MACROD2: variants seen among roughly 807,000 people sequenced by gnomAD.
MACROD2 encodes the protein mono-ADP ribosylhydrolase 2.
A neutral mutation model predicts 70.4 loss-of-function variants in MACROD2; 36 were observed. The observed-to-expected ratio is 0.51, with a 90% CI of 0.39 to 0.68. MACROD2 has a LOEUF of 0.68. Among genes scored for constraint, MACROD2 ranks in the 30% least tolerant of loss-of-function variants. MACROD2 has a pLI of 0.00. For missense variants in MACROD2, 496 were observed against 538.4 expected (o/e 0.92, Z 0.78); for synonymous variants, 172 against 178.8 (o/e 0.96, Z 0.30).
At chr20:15,954,424 T>C (rs1172940125) in intron 12 of MACROD2, among the ~76,000 whole-genome samples, 1 of 152,162 alleles carries the variant, frequency 6.6e-6, no homozygotes, top group Non-Finnish European at 1.5e-5. Flanking sequence ...GCCTCCTATG[T>C]GTTGCTTTAT....
intron 5 of MACROD2, among the ~76,000 whole-genome samples, chr20:15,129,161 T>G (rs1354561329): frequency 6.6e-6 from 1 of 152,030 alleles, no homozygotes; most frequent in Non-Finnish European, 1.5e-5. Flanking sequence ...TAATGTAACA[T>G]AATTTATTTT....
intron 4 of MACROD2, among the ~76,000 whole-genome samples, chr20:14,674,288 C>T (rs2070832066): frequency 6.6e-6 from 1 of 152,120 alleles, no homozygotes; most frequent in Admixed American, 6.5e-5. Context: ...GCTCTGACCC[C>T]AGCTTCTACA....
intron 8 of MACROD2, among the ~76,000 whole-genome samples, chr20:15,793,213 T>C (rs2063641796): frequency 6.6e-6 from 1 of 152,154 alleles, no homozygotes; most frequent in African/African-American, 2.4e-5. Context: ...GTAGAATACT[T>C]GTTCTCAGAT....
chr20:15,141,290 A>C (rs528044189), intron 5 of MACROD2, among the ~76,000 whole-genome samples: 3 of 152,098 alleles, frequency 2.0e-5, no homozygotes, highest in African/African-American at 4.8e-5. Context: ...TAGCATACAT[A>C]CATATAGATA....
chr20:14,765,663 T>C (rs1330739692), intron 5 of MACROD2, among the ~76,000 whole-genome samples: 1 of 152,062 alleles, frequency 6.6e-6, no homozygotes, highest in Non-Finnish European at 1.5e-5. Flanking sequence ...GTTTAATTTT[T>C]TTTAACATTT....
At chr20:14,898,792 T>G (rs1341948510) in intron 5 of MACROD2, among the ~76,000 whole-genome samples, 1 of 152,092 alleles carries the variant, frequency 6.6e-6, no homozygotes, top group Non-Finnish European at 1.5e-5. Flanking sequence ...TGAGTTTAGG[T>G]GATGTACCAG....
intron 8 of MACROD2, among the ~76,000 whole-genome samples, chr20:15,746,852 T>C (rs143783179): frequency 6.6e-6 from 1 of 152,042 alleles, no homozygotes; most frequent in Non-Finnish European, 1.5e-5. Context: ...ATGAAGAAAA[T>C]AAGCCAAAAT....
At chr20:14,480,500 A>G (rs1338305868) in intron 3 of MACROD2, among the ~76,000 whole-genome samples, 2 of 152,244 alleles carry the variant, frequency 1.3e-5, no homozygotes, top group South Asian at 2.1e-4. Flanking sequence ...TAGAATTACA[A>G]CTAGTTTTAG....
intron 6 of MACROD2, among the ~76,000 whole-genome samples, chr20:15,238,644 AAG>A (rs2145999955): frequency 1.3e-5 from 2 of 152,270 alleles, no homozygotes; most frequent in African/African-American, 4.8e-5. Flanking sequence ...TTCTTTTTGT[AAG>A]AGTGTCTGAA....
At position 15,075,619 on chromosome 20, in the gene MACROD2, C is replaced by A. The variant is rs914857416; in HGVS notation, c.419-154321C>A. 3.7e-4 allele frequency among the ~76,000 whole-genome samples: 56 copies of A among 152,148 alleles called. 1 individual carries two copies. Among genetic ancestry groups the A allele is most frequent in the African/African-American group, 1.3e-3 (53 of 41,440 alleles). On this transcript the variant is annotated intron_variant, in intron 5 of 17. Transcript: ENST00000684519. ...CACTCAAAAGATGGCTGACAGCAGT[C>A]TTCTCTCTTTCCATTGCAAAAAAAT...
chr20:15,447,078 G>GTC (rs2046577465), intron 7 of MACROD2, among the ~76,000 whole-genome samples: 1 of 151,668 alleles, frequency 6.6e-6, no homozygotes, highest in Admixed American at 6.6e-5. Flanking sequence ...GTGTGTGTGT[G>GTC]TGTGTGTGTC....
At chr20:14,618,779 C>T (rs1281792921) in intron 4 of MACROD2, among the ~76,000 whole-genome samples, 1 of 152,082 alleles carries the variant, frequency 6.6e-6, no homozygotes, top group Non-Finnish European at 1.5e-5. Context: ...TGAATACATT[C>T]ATATGGTAAA....
At chr20:15,140,970 T>C (rs547498141) in intron 5 of MACROD2, among the ~76,000 whole-genome samples, 4 of 152,324 alleles carry the variant, frequency 2.6e-5, no homozygotes, top group Non-Finnish European at 5.9e-5. Flanking sequence ...TAAATCACTG[T>C]TCACATCCAT....
chr20:15,314,931 G>T (rs1883495102), intron 6 of MACROD2, among the ~76,000 whole-genome samples: 1 of 152,202 alleles, frequency 6.6e-6, no homozygotes, highest in Non-Finnish European at 1.5e-5. Context: ...AACTCATGCT[G>T]ATTGCTAGGC....
chr20:14,290,756 G>A (rs2082379940), intron 3 of MACROD2, among the ~76,000 whole-genome samples: 1 of 152,112 alleles, frequency 6.6e-6, no homozygotes, highest in South Asian at 2.1e-4. Flanking sequence ...TGATCCACCC[G>A]CCTCAGCCTC....
At chr20:14,950,378 G>A (rs2074465920) in intron 5 of MACROD2, among the ~76,000 whole-genome samples, 1 of 152,114 alleles carries the variant, frequency 6.6e-6, no homozygotes, top group Admixed American at 6.6e-5. Flanking sequence ...AGTCTTGCCT[G>A]GGTCTAAGGG....
rs148068402 is a variant in MACROD2 at position 14,542,771 on chromosome 20, C to A, written c.301+49263C>A. On this transcript the variant is annotated intron_variant, in intron 4 of 17. Coordinates refer to ENST00000684519, the MANE Select transcript of MACROD2 (RefSeq NM_001351661.2). ...GGGAGAATCCAGGTAGTGGGTACATCGGATTTTACTCTACAGTTCTTTCAA... is the reference window on the plus strand; with the variant it reads ...GGGAGAATCCAGGTAGTGGGTACATAGGATTTTACTCTACAGTTCTTTCAA... Among the ~76,000 whole-genome samples, 5 of 152,202 alleles carry A rather than the reference C, an allele frequency of 3.3e-5. No homozygotes were observed. In the East Asian group the frequency reaches 9.7e-4, roughly 29 times the overall value.
chr20:15,305,280 C>T (rs1313533974), intron 6 of MACROD2, among the ~76,000 whole-genome samples: 3 of 151,948 alleles, frequency 2.0e-5, no homozygotes, highest in African/African-American at 4.8e-5. Flanking sequence ...CTCCATGAAA[C>T]AGCGCACCTA....
At chr20:14,499,522 G>C (rs1046258529) in intron 4 of MACROD2, among the ~76,000 whole-genome samples, 4 of 151,916 alleles carry the variant, frequency 2.6e-5, no homozygotes, top group African/African-American at 9.7e-5. Context: ...ATCAGAGTGA[G>C]ACCCTGTCTC....
Sources: allele counts gnomAD v4.1 joint callset (sites outside exome capture counted in the v4.1 genomes callset), GRCh38; gene constraint gnomAD v4.1.1; transcripts MANE v1.5; gene names NCBI Gene and HGNC (gene_info 2026-07-23, HGNC 2026-07-21).